Variants in AFAP1 observed in about 807,000 individuals in gnomAD.
The protein encoded by AFAP1 is actin filament associated protein 1, also known as actin filament-associated protein 1.
In AFAP1, 75 loss-of-function variants were observed where a neutral mutation model predicts 93.9. The observed-to-expected ratio is 0.80, with a 90% confidence interval of 0.66 to 0.97. AFAP1 has a LOEUF of 0.97. AFAP1 is among the 50% of genes least tolerant of loss of function. The pLI, the probability that AFAP1 is intolerant of heterozygous loss-of-function variation, is 0.00. For missense variants in AFAP1, 1,201 were observed against 1,050.8 expected (o/e 1.14, Z -1.98); for synonymous variants, 517 against 430.7 (o/e 1.20, Z -2.48).
intron 1 of AFAP1, among the ~76,000 whole-genome samples, chr4:7,938,099 G>A (rs894362517): frequency 6.6e-6 from 1 of 152,154 alleles, no homozygotes; most frequent in Non-Finnish European, 1.5e-5. Context: ...GCTTCAGAGA[G>A]AAGGGAGCCA....
rs544852515 is a variant in AFAP1 at position 7,762,953 on chromosome 4, C to G, written c.*812G>C. 6.6e-6 allele frequency: 1 copy of G among 152,338 alleles called. No individual in the cohort carries two copies. The highest frequency in any genetic ancestry group is 2.1e-4 in the South Asian group (1 of 4,818). 9.4% of individuals were successfully genotyped at this position (152,338 alleles called of 1,614,324 possible). On this transcript the variant is annotated 3_prime_UTR_variant, in exon 18 of 18. Coordinates refer to ENST00000420658, the MANE Select transcript of AFAP1 (RefSeq NM_001134647.2). ...GGATTAAGGGCTGGGGATGCTAGCC[C>G]AAGGGGGAGGAGGGTGTACTGTTAG...
In AFAP1 at chr4:7,809,773, G is replaced by T; in HGVS notation, c.905-10C>A. The T allele has an allele frequency of 6.2e-7, 1 of 1,602,612 alleles. No individual in the cohort carries two copies. The highest frequency in any genetic ancestry group is 8.5e-7 in the Non-Finnish European group (1 of 1,176,556). On this transcript the variant is annotated splice_polypyrimidine_tract_variant and intron_variant, in intron 8 of 17. Coordinates refer to ENST00000420658, the MANE Select transcript of AFAP1 (RefSeq NM_001134647.2). The stretch of plus-strand genomic sequence containing the variant: ...CTTTTCTTCCTCTTCACTGTCAAGA[G>T]TAACAACAGCAAAAAAGCATGTTTT...
At chr4:7,778,685 G>T (rs1027375007) in intron 14 of AFAP1, 77 bp downstream of exon 14, 15 of 1,413,396 alleles carry the variant, frequency 1.1e-5, no homozygotes, top group African/African-American at 2.8e-5. Context: ...GCACTCACGG[G>T]TGGGCAGGCT....
chr4:7,900,510 G>A (rs1324169129), intron 1 of AFAP1, among the ~76,000 whole-genome samples: 1 of 152,220 alleles, frequency 6.6e-6, no homozygotes, highest in African/African-American at 2.4e-5. Flanking sequence ...TGGCCAGGAG[G>A]ATGGTGCTTC....
chr4:7,798,271 G>A (rs1271287256), intron 10 of AFAP1, among the ~76,000 whole-genome samples: 1 of 145,382 alleles, frequency 6.9e-6, no homozygotes, highest in Non-Finnish European at 1.5e-5. Flanking sequence ...TCACGGCACT[G>A]CAACTCTACT....
chr4:7,932,936 C>T (rs1721161284), intron 1 of AFAP1, among the ~76,000 whole-genome samples: 1 of 142,694 alleles, frequency 7.0e-6, no homozygotes, highest in South Asian at 2.2e-4. Flanking sequence ...AGGAGAATCC[C>T]TTGAACCTGG....
intron 1 of AFAP1, among the ~76,000 whole-genome samples, chr4:7,938,191 G>T (rs566465158): frequency 6.6e-6 from 1 of 151,724 alleles, no homozygotes; most frequent in Non-Finnish European, 1.5e-5. Context: ...GGGCAGCGGA[G>T]GGCAGAGAAA....
At chr4:7,820,961 A>C (rs1720922643) in intron 6 of AFAP1, among the ~76,000 whole-genome samples, 1 of 152,116 alleles carries the variant, frequency 6.6e-6, no homozygotes, top group Admixed American at 6.5e-5. Context: ...TCTACTAAAA[A>C]TACAAAATTA....
intron 6 of AFAP1, among the ~76,000 whole-genome samples, chr4:7,829,381 C>T (rs561264899): frequency 8.5e-5 from 13 of 152,282 alleles, no homozygotes; most frequent in African/African-American, 2.6e-4. Context: ...GCCTATCTGA[C>T]TACAAAAAGA....
intron 1 of AFAP1, among the ~76,000 whole-genome samples, chr4:7,920,012 G>A (rs1313754112): frequency 6.6e-6 from 1 of 152,164 alleles, no homozygotes; most frequent in African/African-American, 2.4e-5. Context: ...TCCATGGTGT[G>A]TATGTACCAC....
At chr4:7,884,474 T>A (rs1040209124) in intron 1 of AFAP1, among the ~76,000 whole-genome samples, 1 of 151,868 alleles carries the variant, frequency 6.6e-6, no homozygotes, top group Non-Finnish European at 1.5e-5. Flanking sequence ...TTAAAAATAA[T>A]AAAGGCTCAT....
chr4:7,852,940 G>T (rs1377077774), intron 4 of AFAP1, among the ~76,000 whole-genome samples: 2 of 152,154 alleles, frequency 1.3e-5, no homozygotes, highest in Non-Finnish European at 2.9e-5. Context: ...TGGACAAAGG[G>T]GCTCTGTCTC....
intron 1 of AFAP1, among the ~76,000 whole-genome samples, chr4:7,931,546 A>ATTTTT (rs376570405): frequency 0.011 from 1,498 of 138,058 alleles, 28 homozygotes; most frequent in African/African-American, 0.038. Context: ...CACGCCCAGC[A>ATTTTT]TTTTTTTTTT....
intron 1 of AFAP1, among the ~76,000 whole-genome samples, chr4:7,875,383 G>A (rs764855063): frequency 3.3e-5 from 5 of 152,196 alleles, no homozygotes; most frequent in Non-Finnish European, 5.9e-5. Flanking sequence ...ATGAAATGAA[G>A]AAGTTGGACT....
intron 1 of AFAP1, among the ~76,000 whole-genome samples, chr4:7,929,185 T>C (rs562077374): frequency 6.6e-6 from 1 of 152,274 alleles, no homozygotes; most frequent in South Asian, 2.1e-4. Flanking sequence ...AACAGCTTTC[T>C]TTGTCCTCTC....
At chr4:7,821,818 T>C (rs994860027) in intron 6 of AFAP1, among the ~76,000 whole-genome samples, 12 of 152,170 alleles carry the variant, frequency 7.9e-5, no homozygotes, top group African/African-American at 2.9e-4. Context: ...GAGACCAGGA[T>C]AGTGTTTCCA....
At chr4:7,859,219 G>T (rs901290553) in intron 3 of AFAP1, among the ~76,000 whole-genome samples, 28 of 152,164 alleles carry the variant, frequency 1.8e-4, no homozygotes, top group Admixed American at 1.8e-3. Flanking sequence ...AAGAGTTCAA[G>T]ACCAGCCTGG....
rs1203687533 is a variant in AFAP1, at chr4:7,760,404, AG to A, written c.*3360del. On this transcript the variant is annotated 3_prime_UTR_variant, in exon 18 of 18. Coordinates refer to ENST00000420658, the MANE Select transcript of AFAP1 (RefSeq NM_001134647.2). ...CAGCCCCAAGGGAAGGTCTCAAGGA[AG>A]GCCCCATGGACAGTGGCCCATGCTC... The A allele has an allele frequency of 6.6e-6, 1 of 152,528 alleles. No individual in the cohort carries two copies. Among genetic ancestry groups the A allele is most frequent in the Non-Finnish European group, 1.5e-5 (1 of 68,312 alleles). The allele number at this position is 152,528 out of a possible 1,614,324, so 9.4% of individuals were successfully genotyped here.
chr4:7,810,157 C>T (rs977068645), intron 8 of AFAP1, among the ~76,000 whole-genome samples: 4 of 152,212 alleles, frequency 2.6e-5, no homozygotes, highest in African/African-American at 9.6e-5. Context: ...GCCACCGTGC[C>T]CGGCCTTTCC....
Sources: allele counts gnomAD v4.1 joint callset (sites outside exome capture counted in the v4.1 genomes callset), GRCh38; gene constraint gnomAD v4.1.1; transcripts MANE v1.5; gene names NCBI Gene and HGNC (gene_info 2026-07-23, HGNC 2026-07-21).